PIEZO2: variants seen among roughly 807,000 people sequenced by gnomAD.
PIEZO2 encodes piezo-type mechanosensitive ion channel component 2.
Under a neutral mutation model 337.3 loss-of-function variants are expected in PIEZO2, and 172 were observed. That is an observed-to-expected ratio of 0.51 (90% CI 0.45 to 0.58). PIEZO2 has a LOEUF of 0.58. Among genes scored for constraint, PIEZO2 ranks in the 20% least tolerant of loss-of-function variants. The pLI, the probability that PIEZO2 is intolerant of heterozygous loss-of-function variation, is 0.00. For synonymous variants in PIEZO2, 1,251 were observed against 1,228.5 expected (o/e 1.02, Z -0.38); for missense variants, 3,028 against 3,391.3 (o/e 0.89, Z 2.66).
chr18:11,051,345 A>ATGTGTGTGTGTGTGTGTG lies in PIEZO2; in HGVS notation c.160+14764_160+14781dup, dbSNP rs144159846. Among the ~76,000 whole-genome samples, 886 of 146,856 alleles carry ATGTGTGTGTGTGTGTGTG rather than the reference A, an allele frequency of 6.0e-3. 8 individuals carry two copies. Among genetic ancestry groups the ATGTGTGTGTGTGTGTGTG allele is most frequent in the South Asian group, 0.015 (69 of 4,502 alleles). ...CCTTAGACAGCAACCATCACTTAGG[A>ATGTGTGTGTGTGTGTGTG]TGTGTGTGTGTGTGTGTGTGTGTGG... is the stretch of plus-strand genomic sequence containing the variant. On this transcript the variant is annotated intron_variant, in intron 2 of 55. Transcript: ENST00000674853.
chr18:10,968,855 A>T (rs2034120165), intron 3 of PIEZO2, among the ~76,000 whole-genome samples: 1 of 152,208 alleles, frequency 6.6e-6, no homozygotes, highest in Admixed American at 6.5e-5. Flanking sequence ...AAGTAAATGT[A>T]AGGCATAAAT....
chr18:11,049,745 C>G (rs560903117), intron 2 of PIEZO2, among the ~76,000 whole-genome samples: 1 of 152,186 alleles, frequency 6.6e-6, no homozygotes, highest in Non-Finnish European at 1.5e-5. Flanking sequence ...TTCTGTCTTG[C>G]CTGCCACCAT....
rs183362249 is a variant in PIEZO2 at position 10,775,490 on chromosome 18, A to G, written c.2535-1452T>C. Among the ~76,000 whole-genome samples the G allele has an allele frequency of 6.6e-6, 1 of 152,206 alleles. No homozygotes were observed. The highest frequency in any genetic ancestry group is 2.4e-5 in the African/African-American group (1 of 41,456). On this transcript the variant is annotated intron_variant, in intron 18 of 55. Coordinates refer to ENST00000674853, the MANE Select transcript of PIEZO2 (RefSeq NM_001378183.1). This position sits in a 1 kb window ranked among gnomAD's most constrained non-coding sequence, Gnocchi z 4.3. Reference sequence around the variant, plus strand: ...GCAGTGTGAGGTGGGACCACCTCAGAGTGAATCTTAAAGGTCTACATTGAC... The same window carrying G: ...GCAGTGTGAGGTGGGACCACCTCAGGGTGAATCTTAAAGGTCTACATTGAC...
rs370093723 is a variant in PIEZO2, at chr18:11,051,179, C to T, written c.160+14948G>A. On this transcript the variant is annotated intron_variant, in intron 2 of 55. Coordinates refer to ENST00000674853, the MANE Select transcript of PIEZO2 (RefSeq NM_001378183.1). ...CCACACAGGCACCAGAAGTCCTTCC[C>T]TTTCATCTGCCACTGTGGGGTTTTG... Among the ~76,000 whole-genome samples the T allele has an allele frequency of 3.3e-5, 5 of 152,276 alleles. 1 individual carries two copies. Among genetic ancestry groups the T allele is most frequent in the African/African-American group, 1.2e-4 (5 of 41,558 alleles).
At chr18:11,004,607 C>A (rs1045054050) in intron 2 of PIEZO2, among the ~76,000 whole-genome samples, 1 of 152,116 alleles carries the variant, frequency 6.6e-6, no homozygotes, top group African/African-American at 2.4e-5. Context: ...CAATAATATA[C>A]AAGAAATGGC....
At chr18:10,689,836 C>G (rs374079169) in intron 48 of PIEZO2, 34 bp from the exon 49 acceptor site, 1 of 1,575,944 alleles carries the variant, frequency 6.3e-7, no homozygotes, top group Non-Finnish European at 8.6e-7. Flanking sequence ...GAGAGACATT[C>G]GTGGGTGGCC....
intron 2 of PIEZO2, among the ~76,000 whole-genome samples, chr18:11,045,651 T>A (rs1459564649): frequency 6.6e-6 from 1 of 152,192 alleles, no homozygotes; most frequent in African/African-American, 2.4e-5. Flanking sequence ...GAACTCAAAT[T>A]TTTTGCAGTC....
chr18:10,845,358 T>A (rs1160299571), intron 7 of PIEZO2, among the ~76,000 whole-genome samples: 3 of 152,174 alleles, frequency 2.0e-5, no homozygotes, highest in Non-Finnish European at 4.4e-5. Flanking sequence ...GGATGGTGGT[T>A]AGGCTTTTAA....
intron 2 of PIEZO2, among the ~76,000 whole-genome samples, chr18:11,011,797 T>C (rs1351645328): frequency 6.6e-6 from 1 of 152,190 alleles, no homozygotes; most frequent in Non-Finnish European, 1.5e-5. Context: ...GTATTTTCCA[T>C]AACTCTTGAT....
At chr18:11,139,729 G>A (rs971111599) in intron 1 of PIEZO2, among the ~76,000 whole-genome samples, 1 of 152,216 alleles carries the variant, frequency 6.6e-6, no homozygotes, top group East Asian at 1.9e-4. Flanking sequence ...CAGCAGTGTA[G>A]TAGGGTCACC....
chr18:10,935,255 T>C (rs1330783059), intron 3 of PIEZO2, among the ~76,000 whole-genome samples: 1 of 152,160 alleles, frequency 6.6e-6, no homozygotes, highest in Non-Finnish European at 1.5e-5. Context: ...CCACACATGA[T>C]TATGAATAGA....
At chr18:11,139,332 C>G (rs1442766565) in intron 1 of PIEZO2, among the ~76,000 whole-genome samples, 3 of 152,144 alleles carry the variant, frequency 2.0e-5, no homozygotes, top group East Asian at 3.9e-4. Flanking sequence ...CCTTGAACAT[C>G]AGAAACCATA....
intron 22 of PIEZO2, 132 bp downstream of exon 22, chr18:10,762,790 G>C (rs908456522): frequency 7.5e-7 from 1 of 1,326,744 alleles, no homozygotes; most frequent in East Asian, 2.5e-5. Context: ...CAGGCCCAGA[G>C]CACGACCAGC....
In PIEZO2 at chr18:10,833,169, C is replaced by A. The variant is rs1381515714; in HGVS notation, c.917+22184G>T. On this transcript the variant is annotated intron_variant, in intron 7 of 55. Transcript: ENST00000674853. The surrounding 1 kb of genome is among the most constrained non-coding windows in gnomAD (Gnocchi z 4.7). ...CAGCAACACCCAAGGAACACAGTGGCAGGATGGGGCAGTCGTCATGAACAT... is the reference window on the plus strand; with the variant it reads ...CAGCAACACCCAAGGAACACAGTGGAAGGATGGGGCAGTCGTCATGAACAT... 6.6e-6 allele frequency among the ~76,000 whole-genome samples: 1 copy of A among 152,100 alleles called. No homozygotes were observed. Among genetic ancestry groups the A allele is most frequent in the East Asian group, 1.9e-4 (1 of 5,178 alleles).
chr18:11,108,442 C>T (rs556491684), intron 1 of PIEZO2, among the ~76,000 whole-genome samples: 68 of 142,048 alleles, frequency 4.8e-4, no homozygotes, highest in Non-Finnish European at 8.8e-4. Context: ...GGTGAAACCT[C>T]GTCTCTACTA....
Position 10,726,605 on chromosome 18 carries a change from T to G in PIEZO2, c.5029+4802A>C, listed in dbSNP as rs555427460. 1 of 1,341,148 alleles carries G rather than the reference T, an allele frequency of 7.5e-7. No homozygotes were observed. The highest frequency in any genetic ancestry group is 2.9e-5 in the Admixed American group (1 of 34,304). The allele number at this position is 1,341,148 out of a possible 1,614,324, so 83.1% of individuals were successfully genotyped here. A position where few individuals can be genotyped will look rare whatever the true frequency, so the allele number is the denominator to read the frequency against. ...CTCTTCCAGGACCTGGCGCGCTACG[T>G]GCGGGACGCCGACGTGCGCTGGGAG... On this transcript the variant is annotated intron_variant, in intron 36 of 55. Transcript: ENST00000674853. The surrounding 1 kb of genome is among the most constrained non-coding windows in gnomAD (Gnocchi z 5.9).
chr18:11,144,309 A>C (rs779286197), intron 1 of PIEZO2, among the ~76,000 whole-genome samples: 37 of 152,136 alleles, frequency 2.4e-4, no homozygotes, highest in Non-Finnish European at 4.7e-4. Context: ...TTCATTTCTG[A>C]ACTTGATAAA....
At chr18:10,858,321 C>CAAAAAAAAAAA (rs11361243) in intron 5 of PIEZO2, among the ~76,000 whole-genome samples, 14 of 56,344 alleles carry the variant, frequency 2.5e-4, no homozygotes, top group African/African-American at 3.9e-4. Context: ...GACTTCAACC[C>CAAAAAAAAAAA]AAAAAAAAAA....
intron 4 of PIEZO2, among the ~76,000 whole-genome samples, chr18:10,897,950 G>A (rs183895927): frequency 3.3e-5 from 5 of 152,322 alleles, no homozygotes; most frequent in East Asian, 3.9e-4. Context: ...TGATATTGAG[G>A]TAGGCTGGTG....
Sources: gnomAD v4.1 joint callset for allele counts (sites outside exome capture counted in the v4.1 genomes callset) on GRCh38, gnomAD v4.1.1 for gene constraint, Gnocchi (gnomAD v3.1) non-coding constraint, MANE v1.5 for transcripts, NCBI Gene and HGNC (gene_info 2026-07-23, HGNC 2026-07-21) for gene names.